Variants in TLN2 observed in about 807,000 individuals in gnomAD.
TLN2 encodes the protein talin-2.
A neutral mutation model predicts 294.7 loss-of-function variants in TLN2; 118 were observed. That is an observed-to-expected ratio of 0.40 (90% CI 0.34 to 0.47). TLN2 has a LOEUF of 0.47. Among genes scored for constraint, TLN2 ranks in the 20% least tolerant of loss-of-function variants. The probability of loss-of-function intolerance (pLI) is 0.84; values close to 1 mark genes in which losing one functional copy is unlikely to be tolerated. For synonymous variants in TLN2, 1,431 were observed against 1,304.5 expected (o/e 1.10, Z -2.09); for missense variants, 3,083 against 3,282.2 (o/e 0.94, Z 1.48).
At chr15:62,606,952 A>G (rs997753319) in intron 2 of TLN2, among the ~76,000 whole-genome samples, 9 of 152,090 alleles carry the variant, frequency 5.9e-5, no homozygotes, top group African/African-American at 2.2e-4. Context: ...GGTCCCTATC[A>G]CCACCTCCGC....
chr15:62,677,110 C>T (rs903917819), intron 11 of TLN2, among the ~76,000 whole-genome samples: 1 of 152,232 alleles, frequency 6.6e-6, no homozygotes, highest in African/African-American at 2.4e-5. Context: ...ACCGTTCTAG[C>T]TTCCCATCTG....
At chr15:62,408,534 A>G (rs888454242) in intron 1 of TLN2, among the ~76,000 whole-genome samples, 1 of 152,208 alleles carries the variant, frequency 6.6e-6, no homozygotes, top group African/African-American at 2.4e-5. Context: ...CTGAATAATG[A>G]AACTATTTAT....
chr15:62,530,128 T>A (rs774981342), intron 1 of TLN2, among the ~76,000 whole-genome samples: 2 of 152,032 alleles, frequency 1.3e-5, no homozygotes, highest in Non-Finnish European at 2.9e-5. Flanking sequence ...GAGGCGCAGG[T>A]TGCAGTGAGC....
Position 62,675,221 on chromosome 15 carries a change from A to G in TLN2, c.857A>G (p.His286Arg). ...RGAEKRIFQE[H>R]KNCGEMSEIE... is the part of the protein sequence containing the mutation. Reference sequence around the variant, plus strand: ...CGACCACTGTCACTTTTGCAGGAGCATAAGAACTGCGGAGAGATGAGTGAG... The same window carrying G: ...CGACCACTGTCACTTTTGCAGGAGCGTAAGAACTGCGGAGAGATGAGTGAG... Residue 286 changes from histidine to arginine, a missense_variant, in exon 11 of 59, where the codon CAT becomes CGT. His to Arg is a conservative substitution (Grantham distance 29, BLOSUM62 0). Coordinates refer to ENST00000636159, the MANE Select transcript of TLN2 (RefSeq NM_015059.3). 1 of 1,614,232 alleles carries G rather than the reference A, an allele frequency of 6.2e-7. No individual in the cohort carries two copies. The highest frequency in any genetic ancestry group is 1.1e-5 in the South Asian group (1 of 91,082).
intron 21 of TLN2, 146 bp downstream of exon 21, chr15:62,708,942 GA>G: frequency 1.0e-6 from 1 of 964,676 alleles, no homozygotes; most frequent in Non-Finnish European, 1.5e-6. Flanking sequence ...CTGAAGCTCA[GA>G]AAAAGATATA....
At chr15:62,839,154 C>T (rs2070260429) in intron 58 of TLN2, among the ~76,000 whole-genome samples, 173 bp downstream of exon 58, 1 of 152,168 alleles carries the variant, frequency 6.6e-6, no homozygotes. Flanking sequence ...TCTATTTCAC[C>T]ATCCCTGAGA....
At chr15:62,497,672 T>C (rs953918767) in intron 1 of TLN2, among the ~76,000 whole-genome samples, 1 of 152,226 alleles carries the variant, frequency 6.6e-6, no homozygotes, top group Non-Finnish European at 1.5e-5. Context: ...CAATATGATT[T>C]TTTCTCCCTG....
chr15:62,539,383 C>G (rs962595416), intron 1 of TLN2, among the ~76,000 whole-genome samples: 11 of 152,096 alleles, frequency 7.2e-5, no homozygotes, highest in African/African-American at 2.2e-4. Flanking sequence ...TGGTGGCATT[C>G]TCAACAAATC....
At chr15:62,744,702 A>G (rs1361608659) in intron 32 of TLN2, among the ~76,000 whole-genome samples, 1 of 152,044 alleles carries the variant, frequency 6.6e-6, no homozygotes, top group Non-Finnish European at 1.5e-5. Context: ...GCATGCCACC[A>G]TGCCCAGCTA....
intron 40 of TLN2, among the ~76,000 whole-genome samples, chr15:62,765,652 C>A (rs1458092164): frequency 6.6e-6 from 1 of 152,224 alleles, no homozygotes; most frequent in Non-Finnish European, 1.5e-5. Context: ...CCCCATCCCC[C>A]ACACTCTCAG....
chr15:62,656,458 ACT>A (rs2053222667), intron 8 of TLN2, among the ~76,000 whole-genome samples: 1 of 152,096 alleles, frequency 6.6e-6, no homozygotes, highest in Non-Finnish European at 1.5e-5. Context: ...AGAAATCAGG[ACT>A]CTCATTAACT....
chr15:62,826,997 G>C (rs899196514), intron 54 of TLN2, among the ~76,000 whole-genome samples: 1 of 152,160 alleles, frequency 6.6e-6, no homozygotes, highest in Non-Finnish European at 1.5e-5. Context: ...TGACACGGGT[G>C]GTTCTTCAGT....
chr15:62,692,992 C>A, intron 13 of TLN2, 51 bp downstream of exon 13: 2 of 1,512,534 alleles, frequency 1.3e-6, no homozygotes, highest in Non-Finnish European at 9.1e-7. Flanking sequence ...TATTAAAAGG[C>A]TTGGTTTCGA....
In TLN2 at chr15:62,712,084, T is replaced by C. The variant is rs757955391; in HGVS notation, c.2634+7T>C. The C allele has an allele frequency of 6.8e-6, 11 of 1,612,808 alleles. No homozygotes were observed. The South Asian group carries it at 1.2e-4, about 18-fold the overall frequency. ...CATGGTGGAAGCTGCAAAGGTATTC[T>C]ACTGGATTTGTTTGTATGAAAAGTG... On this transcript the variant is annotated splice_region_variant and intron_variant, in intron 22 of 58. Coordinates refer to ENST00000636159, the MANE Select transcript of TLN2 (RefSeq NM_015059.3).
intron 41 of TLN2, among the ~76,000 whole-genome samples, chr15:62,767,235 G>T (rs1224435061): frequency 6.6e-6 from 1 of 152,160 alleles, no homozygotes; most frequent in Non-Finnish European, 1.5e-5. Flanking sequence ...CACCTTCCCA[G>T]TGGTTCCAAG....
At chr15:62,836,538 G>A (rs775681423) in intron 57 of TLN2, among the ~76,000 whole-genome samples, 16 of 152,150 alleles carry the variant, frequency 1.1e-4, no homozygotes, top group Admixed American at 9.2e-4. Flanking sequence ...TTACTAACTC[G>A]GTGCCTGCTT....
At chr15:62,711,890 A>C in intron 21 of TLN2, 21 bp from the exon 22 acceptor site, 1 of 1,589,774 alleles carries the variant, frequency 6.3e-7, no homozygotes, top group Non-Finnish European at 8.6e-7. Context: ...AACAGACCTC[A>C]TCCTCTATTC....
chr15:62,602,992 A>G (rs1307429699), intron 2 of TLN2, among the ~76,000 whole-genome samples: 1 of 151,560 alleles, frequency 6.6e-6, no homozygotes, highest in African/African-American at 2.4e-5. Flanking sequence ...TCCCAGGTTC[A>G]TGCCATTCTC....
chr15:62,423,897 A>T (rs2034556355), intron 1 of TLN2, among the ~76,000 whole-genome samples: 1 of 152,128 alleles, frequency 6.6e-6, no homozygotes, highest in Admixed American at 6.5e-5. Context: ...GATTTTTAAG[A>T]CATCAAATTC....
Sources: gnomAD v4.1 joint callset for allele counts (sites outside exome capture counted in the v4.1 genomes callset) on GRCh38, gnomAD v4.1.1 for gene constraint, MANE v1.5 for transcripts, NCBI Gene and HGNC (gene_info 2026-07-23, HGNC 2026-07-21) for gene names.